Variants in PTPRA observed in about 807,000 individuals in gnomAD.
PTPRA encodes the protein receptor-type tyrosine-protein phosphatase alpha.
A neutral mutation model predicts 104.8 loss-of-function variants in PTPRA; 25 were observed. The ratio of observed to expected loss-of-function variants is 0.24; its 90% CI spans 0.17 to 0.33. PTPRA has a LOEUF of 0.33. PTPRA is among the 10% of genes least tolerant of loss of function. The pLI is 1.00. For synonymous variants in PTPRA, 323 were observed against 368.9 expected (o/e 0.88, Z 1.43); for missense variants, 765 against 1,015.3 (o/e 0.75, Z 3.35).
intron 3 of PTPRA, among the ~76,000 whole-genome samples, chr20:2,960,393 G>A (rs1273109786): frequency 6.6e-6 from 1 of 151,658 alleles, no homozygotes; most frequent in Non-Finnish European, 1.5e-5. Flanking sequence ...GGGACTACAG[G>A]TGCCCGCCAC....
intron 3 of PTPRA, among the ~76,000 whole-genome samples, chr20:2,962,461 C>G (rs984738259): frequency 1.3e-5 from 2 of 152,152 alleles, no homozygotes; most frequent in African/African-American, 4.8e-5. Context: ...TCCCTCCTCT[C>G]AAATATGTAG....
chr20:2,875,574 C>G (rs1051254630), intron 1 of PTPRA, among the ~76,000 whole-genome samples: 1 of 152,094 alleles, frequency 6.6e-6, no homozygotes, highest in African/African-American at 2.4e-5. Context: ...AACTCAGAGT[C>G]TAATGTAGGA....
At chr20:2,964,477 A>G (rs987255906) in intron 4 of PTPRA, 127 bp downstream of exon 4, 18 of 778,088 alleles carry the variant, frequency 2.3e-5, no homozygotes, top group South Asian at 2.0e-4. Flanking sequence ...AAGTGATGGT[A>G]AAATAGGTGT....
chr20:2,974,836 T>C (rs1353775273), intron 5 of PTPRA, among the ~76,000 whole-genome samples: 1 of 152,266 alleles, frequency 6.6e-6, no homozygotes, highest in African/African-American at 2.4e-5. Flanking sequence ...AAGAAGGTTT[T>C]CTCTGTTAGT....
chr20:3,023,538 A>G (rs948664061), intron 16 of PTPRA, among the ~76,000 whole-genome samples: 1 of 152,202 alleles, frequency 6.6e-6, no homozygotes, highest in Non-Finnish European at 1.5e-5. Flanking sequence ...CTGCACTGAG[A>G]TGTTTGTGTA....
intron 5 of PTPRA, among the ~76,000 whole-genome samples, chr20:2,969,819 A>C (rs2062104597): frequency 6.6e-6 from 1 of 151,810 alleles, no homozygotes; most frequent in Non-Finnish European, 1.5e-5. Flanking sequence ...TACAAAAAAA[A>C]ATTAGCTGGG....
intron 11 of PTPRA, among the ~76,000 whole-genome samples, chr20:3,008,836 C>T (rs1262113716): frequency 2.6e-5 from 4 of 151,532 alleles, no homozygotes; most frequent in Non-Finnish European, 2.9e-5. Flanking sequence ...TGCTTGAACC[C>T]GGGAGGCGGA....
At position 2,985,884 on chromosome 20, in the gene PTPRA, CTTGTTTGTTTGT is replaced by C. The variant is rs71195807; in HGVS notation, c.443-850_443-839del. On this transcript the variant is annotated intron_variant, in intron 6 of 23. Coordinates refer to ENST00000399903, the MANE Select transcript of PTPRA (RefSeq NM_001385305.1). The stretch of plus-strand genomic sequence containing the variant: ...ATGAGCCGCCACACCCAGCTGTCTC[CTTGTTTGTTTGT>C]TTGTTTGTTTGTTTGTTTGTTTGTT... 4.0e-3 allele frequency among the ~76,000 whole-genome samples: 589 copies of C among 148,746 alleles called. 4 individuals carry two copies. The highest frequency in any genetic ancestry group is 0.034 in the South Asian group (155 of 4,558).
intron 1 of PTPRA, among the ~76,000 whole-genome samples, chr20:2,901,658 T>A (rs950190713): frequency 6.6e-6 from 1 of 152,188 alleles, no homozygotes; most frequent in Non-Finnish European, 1.5e-5. Flanking sequence ...TGTATTATTG[T>A]AAGTATATTG....
chr20:3,024,665 G>A (rs201030570), intron 17 of PTPRA, 44 bp downstream of exon 17: 122 of 1,605,916 alleles, frequency 7.6e-5, no homozygotes, highest in Non-Finnish European at 9.5e-5. Context: ...AAGGATCCTT[G>A]TAATCTGGGG....
rs1482259944 is a variant in PTPRA at position 3,037,767 on chromosome 20, A to G, written c.2335-292A>G. On this transcript the variant is annotated intron_variant, in intron 23 of 23. Coordinates refer to ENST00000399903, the MANE Select transcript of PTPRA (RefSeq NM_001385305.1). This position sits in a 1 kb window ranked among gnomAD's most constrained non-coding sequence, Gnocchi z 4.3. ...GCATGCTAGCCTGGCAGCCATGGTA[A>G]GCGTGGGCCATGCTCAGCTGCACTG... Among the ~76,000 whole-genome samples the G allele has an allele frequency of 2.0e-5, 3 of 152,180 alleles. No homozygotes were observed. Among genetic ancestry groups the G allele is most frequent in the African/African-American group, 7.2e-5 (3 of 41,448 alleles).
intron 22 of PTPRA, among the ~76,000 whole-genome samples, chr20:3,036,460 T>C (rs1269323080): frequency 6.6e-6 from 1 of 152,234 alleles, no homozygotes; most frequent in Non-Finnish European, 1.5e-5. Flanking sequence ...GAGGATGGTG[T>C]GCACCATGGG....
chr20:2,951,283 G>T (rs1349603703), intron 3 of PTPRA, among the ~76,000 whole-genome samples: 1 of 152,034 alleles, frequency 6.6e-6, no homozygotes, highest in African/African-American at 2.4e-5. Context: ...TGTATTTTTA[G>T]TAGAGACGGG....
Position 3,035,565 on chromosome 20 carries a change from T to G in PTPRA, c.1921-20T>G, listed in dbSNP as rs1183810634. 1.9e-6 allele frequency: 3 copies of G among 1,605,830 alleles called. No individual in the cohort carries two copies. The Admixed American group carries it at 5.0e-5, about 27-fold the overall frequency. Reference sequence around the variant, plus strand: ...CATGTGGTACTCTGAGCTCCTCACCTCTCCAACCTGTCTCTCCAGGAGAAG... The same window carrying G: ...CATGTGGTACTCTGAGCTCCTCACCGCTCCAACCTGTCTCTCCAGGAGAAG... On this transcript the variant is annotated intron_variant, in intron 20 of 23. Transcript: ENST00000399903. The surrounding 1 kb of genome is among the most constrained non-coding windows in gnomAD (Gnocchi z 5.8).
chr20:3,027,911 G>T, intron 20 of PTPRA, 70 bp downstream of exon 20: 4 of 1,587,974 alleles, frequency 2.5e-6, no homozygotes, highest in Non-Finnish European at 3.4e-6. Flanking sequence ...AAATGGGGAC[G>T]TTGGGAAGGC....
chr20:2,925,231 T>C (rs1444436216), intron 2 of PTPRA, among the ~76,000 whole-genome samples: 1 of 152,168 alleles, frequency 6.6e-6, no homozygotes, highest in East Asian at 1.9e-4. Flanking sequence ...TTCTACCTTC[T>C]GTCTCTATGA....
intron 1 of PTPRA, among the ~76,000 whole-genome samples, chr20:2,897,693 C>T (rs1227639322): frequency 6.6e-6 from 1 of 151,932 alleles, no homozygotes; most frequent in East Asian, 1.9e-4. Flanking sequence ...CAGCCAATCA[C>T]TTGCTATTTC....
chr20:3,021,903 G>C, intron 14 of PTPRA, 151 bp from the exon 15 acceptor site: 1 of 997,946 alleles, frequency 1.0e-6, no homozygotes, highest in Non-Finnish European at 1.5e-6. Context: ...CCACTGACTA[G>C]TTGTGAGACC....
At chr20:3,036,490 T>G (rs970982700) in intron 22 of PTPRA, among the ~76,000 whole-genome samples, 1 of 152,252 alleles carries the variant, frequency 6.6e-6, no homozygotes, top group African/African-American at 2.4e-5. Flanking sequence ...AGCACACTCC[T>G]GCCATGGGCC....
Sources: gnomAD v4.1 joint callset for allele counts (sites outside exome capture counted in the v4.1 genomes callset) on GRCh38, gnomAD v4.1.1 for gene constraint, Gnocchi (gnomAD v3.1) non-coding constraint, MANE v1.5 for transcripts, NCBI Gene and HGNC (gene_info 2026-07-23, HGNC 2026-07-21) for gene names.